The following ZFPM1 variants were observed in gnomAD, a reference collection of about 807,000 sequenced individuals.
ZFPM1 encodes the protein zinc finger protein, FOG family member 1, also known as zinc finger protein ZFPM1.
A neutral mutation model predicts 46.3 loss-of-function variants in ZFPM1; 28 were observed. The ratio of observed to expected loss-of-function variants is 0.60; its 90% CI spans 0.45 to 0.83. The LOEUF is 0.83. Among genes scored for constraint, ZFPM1 ranks in the 40% least tolerant of loss-of-function variants. The pLI is 0.00. For synonymous variants in ZFPM1, 957 were observed against 675.9 expected, an observed-to-expected ratio of 1.42 and a Z score of -6.45; for missense variants, 1,878 against 1,432.4, an observed-to-expected ratio of 1.31 and a Z score of -5.02.
chr16:88,459,563 TC>T (rs1459139412), intron 1 of ZFPM1, among the ~76,000 whole-genome samples: 1 of 82,702 alleles, frequency 1.2e-5, no homozygotes, highest in African/African-American at 4.9e-5. Flanking sequence ...TTCTCTTCAT[TC>T]CCCCCTCCTC....
chr16:88,474,858 A>G (rs1014257715), intron 1 of ZFPM1, among the ~76,000 whole-genome samples: 8 of 152,182 alleles, frequency 5.3e-5, no homozygotes, highest in African/African-American at 1.9e-4. Flanking sequence ...AGAGCCTCCC[A>G]GCCTCTGTTC....
At chr16:88,503,252 G>A (rs1437167058) in intron 3 of ZFPM1, among the ~76,000 whole-genome samples, 2 of 149,750 alleles carry the variant, frequency 1.3e-5, no homozygotes, top group Non-Finnish European at 3.0e-5. Context: ...CTGAGTGGAG[G>A]GATCTGTGTC....
Position 88,514,418 on chromosome 16 carries a change from G to A in ZFPM1, c.300G>A (p.Gln100=), listed in dbSNP as rs768544044. The A allele has an allele frequency of 1.9e-6, 3 of 1,562,622 alleles. No individual in the cohort carries two copies. The highest frequency in any genetic ancestry group is 1.2e-5 in the South Asian group (1 of 84,960). Residue 100 remains glutamine (Q), a synonymous_variant, in exon 4 of 10, where the codon CAG becomes CAA. Coordinates refer to ENST00000319555, the MANE Select transcript of ZFPM1 (RefSeq NM_153813.3). ...DELEPVVQDG[Q]RRIRARLSLA... ...TGGAGCCGGTGGTGCAGGATGGGCA[G>A]AGGCGCATACGGGCCCGACTCAGCC...
At chr16:88,532,963 G>A (rs1340149232) in intron 9 of ZFPM1, 28 bp downstream of exon 9, 8 of 1,611,398 alleles carry the variant, frequency 5.0e-6, no homozygotes, top group Non-Finnish European at 5.9e-6. Context: ...GGCCACCCCT[G>A]CCCCTTAGGC....
chr16:88,506,703 T>C (rs1464008102), intron 3 of ZFPM1, among the ~76,000 whole-genome samples: 1 of 151,460 alleles, frequency 6.6e-6, no homozygotes, highest in Non-Finnish European at 1.5e-5. Flanking sequence ...GCTCCCAGGC[T>C]CCTCTGCGCC....
chr16:88,461,932 G>A lies in ZFPM1; in HGVS notation c.40+8254G>A, dbSNP rs539423569. 2.6e-4 allele frequency among the ~76,000 whole-genome samples: 40 copies of A among 152,332 alleles called. No homozygotes were observed. The South Asian group carries it at 6.6e-3, about 25-fold the overall frequency. Reference sequence around the variant, plus strand: ...GTTATGTGACGTGGGAGCTGGGGCCGTGGACCCTGGGGGTGGGCCCAGGTT... The same window carrying A: ...GTTATGTGACGTGGGAGCTGGGGCCATGGACCCTGGGGGTGGGCCCAGGTT... On this transcript the variant is annotated intron_variant, in intron 1 of 9. Coordinates refer to ENST00000319555, the MANE Select transcript of ZFPM1 (RefSeq NM_153813.3).
At chr16:88,494,279 C>T (rs1211570393) in intron 3 of ZFPM1, among the ~76,000 whole-genome samples, 1 of 152,128 alleles carries the variant, frequency 6.6e-6, no homozygotes, top group Non-Finnish European at 1.5e-5. Flanking sequence ...GAGCAGCCAC[C>T]TTGCGCTCCC....
chr16:88,493,008 T>A (rs535511441), intron 3 of ZFPM1, among the ~76,000 whole-genome samples: 54 of 151,278 alleles, frequency 3.6e-4, no homozygotes, highest in Non-Finnish European at 6.3e-4. Flanking sequence ...TGTGGGGAGC[T>A]GTCCCGGGGT....
chr16:88,493,000 T>C (rs1214836187), intron 3 of ZFPM1, among the ~76,000 whole-genome samples: 9 of 129,184 alleles, frequency 7.0e-5, no homozygotes, highest in East Asian at 2.5e-4. Context: ...TCCCAGGGTG[T>C]GGGGAGCTGT....
At chr16:88,492,860 C>T (rs1314109033) in intron 3 of ZFPM1, among the ~76,000 whole-genome samples, 1 of 152,222 alleles carries the variant, frequency 6.6e-6, no homozygotes, top group Non-Finnish European at 1.5e-5. Context: ...ACCCAAGAGG[C>T]CCCCAACACC....
At chr16:88,516,991 C>G (rs78427012) in intron 4 of ZFPM1, among the ~76,000 whole-genome samples, 7,384 of 152,274 alleles carry the variant, frequency 0.048, 242 homozygotes, top group Non-Finnish European at 0.079. Context: ...GAGTCAGGAG[C>G]GTGGACTCTG....
intron 1 of ZFPM1, among the ~76,000 whole-genome samples, chr16:88,460,977 CGAGGG>C (rs369694770): frequency 0.05 from 729 of 14,662 alleles, 122 homozygotes; most frequent in Middle Eastern, 0.12. Context: ...TGGTGAGGAC[CGAGGG>C]GAGGGGCGGG....
chr16:88,495,232 G>A (rs930851918), intron 3 of ZFPM1, among the ~76,000 whole-genome samples: 4 of 152,226 alleles, frequency 2.6e-5, no homozygotes, highest in African/African-American at 9.6e-5. Flanking sequence ...CTGTGTGGTC[G>A]TCTGCCCAGA....
At chr16:88,455,162 T>C (rs931355003) in intron 1 of ZFPM1, among the ~76,000 whole-genome samples, 13 of 149,924 alleles carry the variant, frequency 8.7e-5, no homozygotes, top group Admixed American at 7.3e-4. Context: ...TGTGTGTGTG[T>C]GTGTGTGTGT....
intron 4 of ZFPM1, among the ~76,000 whole-genome samples, chr16:88,518,307 G>A (rs1342551472): frequency 6.6e-6 from 1 of 151,968 alleles, no homozygotes; most frequent in Admixed American, 6.5e-5. Flanking sequence ...CCAGGTGGAT[G>A]GATGGATAGA....
intron 3 of ZFPM1, among the ~76,000 whole-genome samples, chr16:88,496,382 C>A (rs1295996222): frequency 6.6e-6 from 1 of 151,926 alleles, no homozygotes; most frequent in Non-Finnish European, 1.5e-5. Flanking sequence ...TGCTTGGGGA[C>A]CTGACCCAGG....
In ZFPM1 at chr16:88,501,677, C is replaced by T. The variant is rs145982806; in HGVS notation, c.268+12524C>T. Among the ~76,000 whole-genome samples, 92 of 134,396 alleles carry T rather than the reference C, an allele frequency of 6.8e-4. 6 individuals are homozygous for T. Among genetic ancestry groups the T allele is most frequent in the African/African-American group, 2.1e-3 (71 of 33,300 alleles). The allele number at this position is 134,396 out of a possible 152,430, so 88.2% of individuals were successfully genotyped here. A position where few individuals can be genotyped will look rare whatever the true frequency, so the allele number is the denominator to read the frequency against. ...CAGGTGCTGGTGATGATAGAGATAG[C>T]GGGTGTGGGTGCAGGGCCTCTCCCG... On this transcript the variant is annotated intron_variant, in intron 3 of 9. Coordinates refer to ENST00000319555, the MANE Select transcript of ZFPM1 (RefSeq NM_153813.3).
chr16:88,534,189 G>A lies in ZFPM1; in HGVS notation c.2231G>A (p.Arg744His), dbSNP rs1414791447. The change falls in exon 10 of 10, where the codon CGC becomes CAC. Residue 744 changes from arginine (R) to histidine (H), a missense_variant. Physicochemically the swap from Arg to His is conservative, Grantham distance 29 (BLOSUM62 0). Coordinates refer to ENST00000319555, the MANE Select transcript of ZFPM1 (RefSeq NM_153813.3). The part of the protein sequence containing the change: ...PAAPVRTRRR[R>H]KLYELHAAGA... ...GCGCCTGTGCGCACGCGCAGACGCC[G>A]CAAGCTCTACGAGCTGCACGCGGCC... 1.0e-6 allele frequency: 1 copy of A among 978,496 alleles called. No individual in the cohort carries two copies. Among genetic ancestry groups the A allele is most frequent in the Non-Finnish European group, 1.2e-6 (1 of 831,890 alleles). The allele number at this position is 978,496 out of a possible 1,614,324, so 60.6% of individuals were successfully genotyped here. A position where few individuals can be genotyped will look rare whatever the true frequency, so the allele number is the denominator to read the frequency against.
At chr16:88,491,946 A>C (rs74032902) in intron 3 of ZFPM1, among the ~76,000 whole-genome samples, 25,788 of 152,148 alleles carry the variant, frequency 0.17, 2,452 homozygotes, top group East Asian at 0.27. Flanking sequence ...CAGTGGCCCC[A>C]AGGGCAGTGC....
Sources: allele counts gnomAD v4.1 joint callset (sites outside exome capture counted in the v4.1 genomes callset), GRCh38; gene constraint gnomAD v4.1.1; transcripts MANE v1.5; gene names NCBI Gene and HGNC (gene_info 2026-07-23, HGNC 2026-07-21).